DSCAM: variants seen among roughly 807,000 people sequenced by gnomAD.
The protein encoded by DSCAM is DS cell adhesion molecule.
DSCAM carries 47 observed loss-of-function variants against 217.7 expected under a neutral mutation model. The observed-to-expected ratio is 0.22, with a 90% CI of 0.17 to 0.28. The LOEUF is 0.28. Ranked by LOEUF, DSCAM falls within the 10% of genes least tolerant of loss-of-function variation. DSCAM has a pLI of 1.00. For missense variants in DSCAM, 2,080 were observed against 2,618.3 expected (o/e 0.79, Z 4.49); for synonymous variants, 1,056 against 1,015.3 (o/e 1.04, Z -0.76).
intron 1 of DSCAM, among the ~76,000 whole-genome samples, chr21:40,750,671 C>T (rs552139779): frequency 9.2e-5 from 14 of 151,874 alleles, no homozygotes; most frequent in African/African-American, 2.7e-4. Context: ...GTTGAATTTG[C>T]ATCAGAAACC....
chr21:40,094,028 TG>T (rs2146593452), intron 20 of DSCAM, among the ~76,000 whole-genome samples, 154 bp from the exon 21 acceptor site: 1 of 152,304 alleles, frequency 6.6e-6, no homozygotes, highest in African/African-American at 2.4e-5. Flanking sequence ...AAAATGTAAC[TG>T]GTAAGTTTAA....
chr21:40,842,508 C>T (rs1346226329), intron 1 of DSCAM, among the ~76,000 whole-genome samples: 1 of 152,138 alleles, frequency 6.6e-6, no homozygotes, highest in Admixed American at 6.5e-5. Flanking sequence ...ACTTGATAAA[C>T]CCATCCTTTT....
intron 3 of DSCAM, among the ~76,000 whole-genome samples, chr21:40,607,337 A>G (rs2089253550): frequency 1.3e-5 from 2 of 152,258 alleles, no homozygotes; most frequent in South Asian, 4.1e-4. Context: ...CATCATATAT[A>G]AGAAATGTGC....
chr21:40,801,597 G>T (rs1235388494), intron 1 of DSCAM, among the ~76,000 whole-genome samples: 1 of 152,150 alleles, frequency 6.6e-6, no homozygotes, highest in East Asian at 1.9e-4. Flanking sequence ...CCCTCCATAG[G>T]CTCAGTGCCC....
chr21:40,074,063 A>T (rs1036255059), intron 27 of DSCAM, among the ~76,000 whole-genome samples: 15 of 152,234 alleles, frequency 9.9e-5, no homozygotes, highest in Non-Finnish European at 1.8e-4. Flanking sequence ...AGACAGGTGA[A>T]AATATTACCA....
At chr21:40,079,869 C>T (rs1019623621) in intron 25 of DSCAM, among the ~76,000 whole-genome samples, 1 of 152,174 alleles carries the variant, frequency 6.6e-6, no homozygotes, top group Non-Finnish European at 1.5e-5. Context: ...CGCCACGCTT[C>T]ATGGCTGCCC....
chr21:40,598,306 A>G (rs2077036627), intron 3 of DSCAM, among the ~76,000 whole-genome samples: 1 of 152,124 alleles, frequency 6.6e-6, no homozygotes, highest in African/African-American at 2.4e-5. Flanking sequence ...CACTGAGTAA[A>G]AGTCCACAGT....
At chr21:40,601,930 A>C (rs528357114) in intron 3 of DSCAM, among the ~76,000 whole-genome samples, 20 of 151,726 alleles carry the variant, frequency 1.3e-4, no homozygotes, top group Admixed American at 5.2e-4. Flanking sequence ...TTATTGAGTA[A>C]TTTTGTATCT....
intron 3 of DSCAM, among the ~76,000 whole-genome samples, chr21:40,577,645 T>C (rs1453655867): frequency 6.6e-6 from 1 of 152,178 alleles, no homozygotes; most frequent in Non-Finnish European, 1.5e-5. Context: ...CTCAAAATTC[T>C]CTCGGCCCTG....
intron 3 of DSCAM, among the ~76,000 whole-genome samples, chr21:40,523,549 C>G (rs73364912): frequency 0.015 from 2,342 of 152,228 alleles, 59 homozygotes; most frequent in African/African-American, 0.049. Flanking sequence ...CGGCCCAACT[C>G]CAGGGGAAAA....
At chr21:40,212,071 G>A (rs576424072) in intron 11 of DSCAM, among the ~76,000 whole-genome samples, 4 of 152,048 alleles carry the variant, frequency 2.6e-5, no homozygotes, top group South Asian at 2.1e-4. Flanking sequence ...CCAGGTTCAA[G>A]CATTTCTCCT....
At chr21:40,326,482 A>C (rs976914948) in intron 8 of DSCAM, among the ~76,000 whole-genome samples, 7 of 152,188 alleles carry the variant, frequency 4.6e-5, no homozygotes, top group African/African-American at 1.7e-4. Context: ...ACAAATGGGG[A>C]CGCTAGAGAT....
At chr21:40,116,450 A>C (rs1296423286) in intron 20 of DSCAM, among the ~76,000 whole-genome samples, 1 of 152,166 alleles carries the variant, frequency 6.6e-6, no homozygotes, top group Non-Finnish European at 1.5e-5. Context: ...GGATATTTAG[A>C]TGTAGCCTTG....
chr21:40,584,022 G>C lies in DSCAM; in HGVS notation c.508+108788C>G, dbSNP rs560349006. Among the ~76,000 whole-genome samples, 6 of 152,146 alleles carry C rather than the reference G, an allele frequency of 3.9e-5. No homozygotes were observed. The East Asian group carries it at 9.7e-4, about 24-fold the overall frequency. On this transcript the variant is annotated intron_variant, in intron 3 of 32. Coordinates refer to ENST00000400454, the MANE Select transcript of DSCAM (RefSeq NM_001389.5). Reference sequence around the variant, plus strand: ...ATTAAGGAATGAGGCAAAATTGCCAGTGTGCTTGGAACTATGCCCCCAAAA... The same window carrying C: ...ATTAAGGAATGAGGCAAAATTGCCACTGTGCTTGGAACTATGCCCCCAAAA...
At chr21:40,274,483 T>C (rs1278878913) in intron 11 of DSCAM, among the ~76,000 whole-genome samples, 1 of 152,250 alleles carries the variant, frequency 6.6e-6, no homozygotes, top group Non-Finnish European at 1.5e-5. Flanking sequence ...GTCCTAGATA[T>C]GTGTTTATGG....
At chr21:40,541,581 TTAATA>T (rs2076542965) in intron 3 of DSCAM, among the ~76,000 whole-genome samples, 1 of 152,170 alleles carries the variant, frequency 6.6e-6, no homozygotes, top group South Asian at 2.1e-4. Context: ...TTTAAAATGT[TTAATA>T]TATCACATAT....
chr21:40,690,805 G>A (rs572793607), intron 3 of DSCAM, among the ~76,000 whole-genome samples: 8 of 152,292 alleles, frequency 5.3e-5, no homozygotes, highest in South Asian at 4.1e-4. Flanking sequence ...AAGAACACAC[G>A]TATTATGCAT....
intron 8 of DSCAM, among the ~76,000 whole-genome samples, chr21:40,321,754 C>G (rs542677401): frequency 6.6e-6 from 1 of 152,022 alleles, no homozygotes; most frequent in Non-Finnish European, 1.5e-5. Context: ...GCTAACTCTC[C>G]GAGGCCTGGT....
At chr21:40,245,055 T>C (rs932309522) in intron 11 of DSCAM, among the ~76,000 whole-genome samples, 4 of 152,192 alleles carry the variant, frequency 2.6e-5, no homozygotes, top group African/African-American at 9.7e-5. Flanking sequence ...CTTCCTTACA[T>C]GTGGCAACCA....
Sources: gnomAD v4.1 joint callset for allele counts (sites outside exome capture counted in the v4.1 genomes callset) on GRCh38, gnomAD v4.1.1 for gene constraint, MANE v1.5 for transcripts, NCBI Gene and HGNC (gene_info 2026-07-23, HGNC 2026-07-21) for gene names.